Variants in OGFRL1 observed in about 807,000 individuals in gnomAD.
OGFRL1 encodes opioid growth factor receptor like 1.
Under a neutral mutation model 32.4 loss-of-function variants are expected in OGFRL1, and 26 were observed. That is an observed-to-expected ratio of 0.80 (90% CI 0.59 to 1.11). The LOEUF is 1.11. Among genes scored for constraint, OGFRL1 ranks in the 50% most tolerant of loss-of-function variants. OGFRL1 has a pLI of 0.00. For synonymous variants in OGFRL1, 211 were observed against 201.2 expected (o/e 1.05, Z -0.41); for missense variants, 521 against 546.4 (o/e 0.95, Z 0.46).
At position 71,288,844 on chromosome 6, in the gene OGFRL1, G is replaced by T; in HGVS notation, c.-93G>T. On this transcript the variant is annotated 5_prime_UTR_variant, in exon 1 of 7. Transcript: ENST00000370435. Reference sequence around the variant, plus strand: ...GCGGGCGCGCCTAGGCTGCCGCCCAGCGCCCTCGCCGCGGCCATGCCCGGG... The same window carrying T: ...GCGGGCGCGCCTAGGCTGCCGCCCATCGCCCTCGCCGCGGCCATGCCCGGG... 2.1e-6 allele frequency: 2 copies of T among 950,286 alleles called. No homozygotes were observed. The highest frequency in any genetic ancestry group is 3.6e-5 in the African/African-American group (2 of 56,166). The allele number at this position is 950,286 out of a possible 1,614,324, so 58.9% of individuals were successfully genotyped here.
rs570919084 is a variant in OGFRL1, at chr6:71,303,250, G to A, written c.*1201G>A. The stretch of plus-strand genomic sequence containing the variant: ...TTAAAGTATTTTACATAAGGGACTT[G>A]AGCATTCCTAGATTTTGGTAACTGC... On this transcript the variant is annotated 3_prime_UTR_variant, in exon 7 of 7. Coordinates refer to ENST00000370435, the MANE Select transcript of OGFRL1 (RefSeq NM_024576.5). 1 of 152,284 alleles carries A rather than the reference G, an allele frequency of 6.6e-6. No individual in the cohort carries two copies. The highest frequency in any genetic ancestry group is 2.4e-5 in the African/African-American group (1 of 41,558). 9.4% of individuals were successfully genotyped at this position (152,284 alleles called of 1,614,324 possible).
chr6:71,293,483 T>G, intron 2 of OGFRL1, 50 bp from the exon 3 acceptor site: 1 of 1,570,056 alleles, frequency 6.4e-7, no homozygotes, highest in Non-Finnish European at 8.7e-7. Flanking sequence ...TCCTTGTATC[T>G]TTACTGTATT....
intron 1 of OGFRL1, chr6:71,289,548 TA>T (rs1158690810): frequency 0.17 from 91,546 of 523,758 alleles, 1,872 homozygotes; most frequent in Admixed American, 0.37. Flanking sequence ...GTGTTATTGG[TA>T]AAAAAAAAAA....
In OGFRL1 at chr6:71,289,042, C is replaced by A; in HGVS notation, c.106C>A (p.Pro36Thr). Residue 36 changes from proline (P) to threonine (T), a missense_variant, in exon 1 of 7, where the codon CCG (proline) becomes ACG (threonine). Physicochemically the swap from Pro to Thr is conservative, Grantham distance 38 (BLOSUM62 -1). Transcript: ENST00000370435. ...GGAGCCCGAGCCCGAAGAACCAGGGCCGGGCGGCGGCAGCGAGGGCCCGGG... is the reference window on the plus strand; with the variant it reads ...GGAGCCCGAGCCCGAAGAACCAGGGACGGGCGGCGGCAGCGAGGGCCCGGG... Reference protein sequence around the residue: ...DSEPEPEEPGPGGGSEGPGQE... With the variant: ...DSEPEPEEPGTGGGSEGPGQE... 7.6e-7 allele frequency: 1 copy of A among 1,314,888 alleles called. No homozygotes were observed. Among genetic ancestry groups the A allele is most frequent in the African/African-American group, 1.5e-5 (1 of 64,718 alleles). The allele number at this position is 1,314,888 out of a possible 1,614,324, so 81.5% of individuals were successfully genotyped here. A position where few individuals can be genotyped will look rare whatever the true frequency, so the allele number is the denominator to read the frequency against.
In OGFRL1 at chr6:71,288,951, C is replaced by G; in HGVS notation, c.15C>G (p.Leu5=). The part of the protein sequence containing the change: MGNL[L]GGVSFREPTT... ...CCGCCTCTTCAATGGGCAACCTGCTCGGCGGGGTCAGCTTCCGCGAGCCCA... is the reference window on the plus strand; with the variant it reads ...CCGCCTCTTCAATGGGCAACCTGCTGGGCGGGGTCAGCTTCCGCGAGCCCA... Residue 5 remains leucine, a synonymous_variant, in exon 1 of 7, where the codon CTC becomes CTG. Transcript: ENST00000370435. The G allele has an allele frequency of 7.3e-7, 1 of 1,376,762 alleles. No homozygotes were observed. Among genetic ancestry groups the G allele is most frequent in the Non-Finnish European group, 9.5e-7 (1 of 1,049,314 alleles). The allele number at this position is 1,376,762 out of a possible 1,614,324, so 85.3% of individuals were successfully genotyped here. A position where few individuals can be genotyped will look rare whatever the true frequency, so the allele number is the denominator to read the frequency against.
chr6:71,298,943 A>T (rs115339107), intron 6 of OGFRL1, among the ~76,000 whole-genome samples: 1,557 of 152,284 alleles, frequency 0.01, 13 homozygotes, highest in South Asian at 0.053. Flanking sequence ...TATAGTAGCT[A>T]AGCAGAGGAA....
At chr6:71,289,556 A>C in intron 1 of OGFRL1, 1 of 853,924 alleles carries the variant, frequency 1.2e-6, no homozygotes, top group Middle Eastern at 5.9e-4. Flanking sequence ...GGTAAAAAAA[A>C]AAAAAAAAAA....
rs1212957572 is a variant in OGFRL1 at position 71,289,035 on chromosome 6, ACCAGGGCCGGGCGGCGGCAG to A, written c.101_120del (p.Pro34ArgfsTer41). The A allele has an allele frequency of 1.5e-6, 2 of 1,334,292 alleles. No individual in the cohort carries two copies. The highest frequency in any genetic ancestry group is 3.1e-5 in the African/African-American group (2 of 64,136). 82.7% of individuals were successfully genotyped at this position (1,334,292 alleles called of 1,614,324 possible). Reference sequence around the variant, plus strand: ...CCGACTCGGAGCCCGAGCCCGAAGAACCAGGGCCGGGCGGCGGCAGCGAGGGCCCGGGGCAGGAGTCCGAG... The same window carrying A: ...CCGACTCGGAGCCCGAGCCCGAAGAACGAGGGCCCGGGGCAGGAGTCCGAG... On this transcript the variant is annotated frameshift_variant, in exon 1 of 7. Transcript: ENST00000370435. LOFTEE classifies it high-confidence loss of function.
At chr6:71,301,220 C>T (rs1766373551) in intron 6 of OGFRL1, among the ~76,000 whole-genome samples, 166 bp from the exon 7 acceptor site, 2 of 152,088 alleles carry the variant, frequency 1.3e-5, no homozygotes, top group Non-Finnish European at 2.9e-5. Flanking sequence ...GGATTTAATA[C>T]CCTCTGGTTT....
At chr6:71,298,986 T>G (rs1766301074) in intron 6 of OGFRL1, among the ~76,000 whole-genome samples, 1 of 152,112 alleles carries the variant, frequency 6.6e-6, no homozygotes, top group African/African-American at 2.4e-5. Flanking sequence ...AAAATAACAT[T>G]GAGTGAACAA....
In OGFRL1 at chr6:71,301,041, GCT is replaced by G. The variant is rs1766368083; in HGVS notation, c.693-342_693-341del. 4.6e-5 allele frequency among the ~76,000 whole-genome samples: 7 copies of G among 152,158 alleles called. No individual in the cohort carries two copies. The South Asian group carries it at 1.2e-3, about 27-fold the overall frequency. On this transcript the variant is annotated intron_variant, in intron 6 of 6. Transcript: ENST00000370435. ...TACATTGATGTTGGTGCAAATAAAT[GCT>G]CTGTTAGATCATTCATCTTCAGTGT...
intron 3 of OGFRL1, 142 bp from the exon 4 acceptor site, chr6:71,296,174 TA>T (rs1285157319): frequency 5.0e-6 from 3 of 601,234 alleles, no homozygotes; most frequent in Non-Finnish European, 8.8e-6. Context: ...GGGCATAGGG[TA>T]TTCATCTTTT....
Position 71,289,051 on chromosome 6 carries a change from G to A in OGFRL1, c.115G>A (p.Gly39Ser). 7.8e-7 allele frequency: 1 copy of A among 1,288,432 alleles called. No individual in the cohort carries two copies. The highest frequency in any genetic ancestry group is 1.0e-6 in the Non-Finnish European group (1 of 1,001,472). The allele number at this position is 1,288,432 out of a possible 1,614,324, so 79.8% of individuals were successfully genotyped here. ...PEPEEPGPGG[G>S]SEGPGQESEQ... ...GCCCGAAGAACCAGGGCCGGGCGGCGGCAGCGAGGGCCCGGGGCAGGAGTC... is the reference window on the plus strand; with the variant it reads ...GCCCGAAGAACCAGGGCCGGGCGGCAGCAGCGAGGGCCCGGGGCAGGAGTC... Residue 39 changes from glycine (G) to serine (S), a missense_variant, in exon 1 of 7, where the codon GGC becomes AGC. Transcript: ENST00000370435.
Position 71,293,327 on chromosome 6 carries a change from A to C in OGFRL1, c.269A>C (p.Lys90Thr), listed in dbSNP as rs769012386. Residue 90 changes from lysine (K) to threonine (T), a missense_variant, in exon 2 of 7, where the codon AAG becomes ACG. Coordinates refer to ENST00000370435, the MANE Select transcript of OGFRL1 (RefSeq NM_024576.5). The part of the protein sequence containing the change: ...GDSTEATAKP[K>T]RSFYAARDLY... ...TCCACTGAAGCAACTGCCAAACCAA[A>C]GAGAAGTTTTTATGCTGCCAGGGAT... The C allele has an allele frequency of 4.1e-5, 66 of 1,613,786 alleles. 1 individual carries two copies. The highest frequency in any genetic ancestry group is 2.2e-4 in the Admixed American group (13 of 59,988).
intron 1 of OGFRL1, chr6:71,289,726 G>T: frequency 2.0e-6 from 2 of 985,234 alleles, no homozygotes; most frequent in Non-Finnish European, 2.4e-6. Flanking sequence ...TAGGATTCAG[G>T]GCATTCTTCA....
Position 71,289,047 on chromosome 6 carries a change from C to A in OGFRL1, c.111C>A (p.Gly37=), listed in dbSNP as rs780323540. The change falls in exon 1 of 7, where the codon GGC becomes GGA. Residue 37 remains glycine, a synonymous_variant. Coordinates refer to ENST00000370435, the MANE Select transcript of OGFRL1 (RefSeq NM_024576.5). ...CCGAGCCCGAAGAACCAGGGCCGGG[C>A]GGCGGCAGCGAGGGCCCGGGGCAGG... The part of the protein sequence containing the change: ...SEPEPEEPGP[G]GGSEGPGQES... The A allele has an allele frequency of 1.6e-5, 21 of 1,297,188 alleles. No homozygotes were observed. In the African/African-American group the frequency reaches 2.7e-4, roughly 16 times the overall value. 80.4% of individuals were successfully genotyped at this position (1,297,188 alleles called of 1,614,324 possible).
intron 6 of OGFRL1, among the ~76,000 whole-genome samples, chr6:71,301,180 C>T (rs932618647): frequency 2.6e-5 from 4 of 152,202 alleles, no homozygotes; most frequent in African/African-American, 9.6e-5. Flanking sequence ...ATTTGACTTT[C>T]ACATAGATTG....
rs1355758504 is a variant in OGFRL1, at chr6:71,301,837, C to T, written c.1144C>T (p.Pro382Ser). The change falls in exon 7 of 7, where the codon CCA (proline) becomes TCA (serine). Residue 382 changes from proline (P) to serine (S), a missense_variant. Pro to Ser is a moderately conservative substitution (Grantham distance 74, BLOSUM62 -1). Coordinates refer to ENST00000370435, the MANE Select transcript of OGFRL1 (RefSeq NM_024576.5). ...TGTGGAAGAGACAGACAGGCCCAGC[C>T]CAGAGCCCAGCAATGAAGCTGCCAA... Reference protein sequence around the residue: ...EPVEETDRPSPEPSNEAAKPR... With the variant: ...EPVEETDRPSSEPSNEAAKPR... 1 of 1,613,102 alleles carries T rather than the reference C, an allele frequency of 6.2e-7. No individual in the cohort carries two copies. Among genetic ancestry groups the T allele is most frequent in the South Asian group, 1.1e-5 (1 of 90,912 alleles).
chr6:71,294,227 A>G (rs955897824), intron 3 of OGFRL1, among the ~76,000 whole-genome samples: 6 of 152,062 alleles, frequency 3.9e-5, no homozygotes, highest in Non-Finnish European at 8.8e-5. Flanking sequence ...TAGTGAGAAG[A>G]TGCAGCTGCT....
Sources: allele counts gnomAD v4.1 joint callset (sites outside exome capture counted in the v4.1 genomes callset), GRCh38; gene constraint gnomAD v4.1.1; transcripts MANE v1.5; gene names NCBI Gene and HGNC (gene_info 2026-07-23, HGNC 2026-07-21).